Variants in DOCK4 observed in about 807,000 individuals in gnomAD.
DOCK4 encodes dedicator of cytokinesis 4.
A neutral mutation model predicts 268.1 loss-of-function variants in DOCK4; 97 were observed. The observed-to-expected ratio is 0.36, with a 90% CI of 0.31 to 0.43. DOCK4 has a LOEUF of 0.43. DOCK4 is among the 20% of genes least tolerant of loss of function. The probability of loss-of-function intolerance (pLI) is 1.00; values close to 1 mark genes in which losing one functional copy is unlikely to be tolerated. For synonymous variants in DOCK4, 954 were observed against 887.2 expected, an observed-to-expected ratio of 1.08 and a Z score of -1.34; for missense variants, 2,145 against 2,455.7, an observed-to-expected ratio of 0.87 and a Z score of 2.67.
At chr7:112,180,870 T>C (rs1818967263) in intron 1 of DOCK4, among the ~76,000 whole-genome samples, 1 of 152,196 alleles carries the variant, frequency 6.6e-6, no homozygotes, top group African/African-American at 2.4e-5. Context: ...CCCATGTTGG[T>C]GACACGGCAG....
At chr7:112,179,323 C>T (rs919370689) in intron 1 of DOCK4, among the ~76,000 whole-genome samples, 3 of 151,592 alleles carry the variant, frequency 2.0e-5, no homozygotes, top group African/African-American at 7.3e-5. Context: ...GATGTCGAGG[C>T]TGCAGTGAGT....
At chr7:111,806,550 T>C (rs1800692264) in intron 30 of DOCK4, among the ~76,000 whole-genome samples, 1 of 152,176 alleles carries the variant, frequency 6.6e-6, no homozygotes, top group African/African-American at 2.4e-5. Context: ...AATCTGTAAG[T>C]TGAGTATAAA....
At chr7:112,140,171 T>C (rs1043537690) in intron 1 of DOCK4, among the ~76,000 whole-genome samples, 1 of 152,020 alleles carries the variant, frequency 6.6e-6, no homozygotes, top group African/African-American at 2.4e-5. Context: ...AATTACCCCA[T>C]GAAAAACCAA....
chr7:111,993,058 G>A (rs1799662073), intron 5 of DOCK4, among the ~76,000 whole-genome samples: 1 of 152,186 alleles, frequency 6.6e-6, no homozygotes, highest in Non-Finnish European at 1.5e-5. Flanking sequence ...GATTTTCATA[G>A]TGAGTTCTAA....
At chr7:111,832,594 C>T (rs544852816) in intron 26 of DOCK4, among the ~76,000 whole-genome samples, 2 of 152,188 alleles carry the variant, frequency 1.3e-5, no homozygotes, top group African/African-American at 4.8e-5. Flanking sequence ...GTGGTGTGAT[C>T]TCAGCTCACT....
At chr7:111,936,370 T>C (rs1794735196) in intron 11 of DOCK4, among the ~76,000 whole-genome samples, 1 of 152,220 alleles carries the variant, frequency 6.6e-6, no homozygotes, top group African/African-American at 2.4e-5. Flanking sequence ...TTACGTGGTG[T>C]AGTTCACCTG....
intron 27 of DOCK4, among the ~76,000 whole-genome samples, chr7:111,816,052 A>G (rs1249100762): frequency 6.6e-6 from 1 of 152,214 alleles, no homozygotes; most frequent in Non-Finnish European, 1.5e-5. Flanking sequence ...ACTGGTGTAC[A>G]TGAAATCAAA....
chr7:111,788,788 C>G, intron 31 of DOCK4, 41 bp from the exon 32 acceptor site: 1 of 1,493,414 alleles, frequency 6.7e-7, no homozygotes, highest in Non-Finnish European at 9.2e-7. Context: ...CTCCCCTTCA[C>G]AAGTAGGATT....
At chr7:111,881,738 T>C (rs1807409636) in intron 16 of DOCK4, among the ~76,000 whole-genome samples, 1 of 152,150 alleles carries the variant, frequency 6.6e-6, no homozygotes, top group African/African-American at 2.4e-5. Flanking sequence ...TGGAGTACTA[T>C]TCAGCCATAA....
intron 1 of DOCK4, among the ~76,000 whole-genome samples, chr7:112,166,149 A>G (rs1184996175): frequency 6.6e-6 from 1 of 152,186 alleles, no homozygotes; most frequent in African/African-American, 2.4e-5. Context: ...TGTCCACTAT[A>G]CAATCTGAAC....
Position 111,911,479 on chromosome 7 carries a change from A to G in DOCK4, c.1192+4300T>C, listed in dbSNP as rs186013858. On this transcript the variant is annotated intron_variant, in intron 13 of 52. Transcript: ENST00000428084. ...ATTAAAAAGCCAGAGGAAGAAAGGG[A>G]AAAAAAAAAGAGAAGGAAGTGCTTT... 3.2e-3 allele frequency among the ~76,000 whole-genome samples: 478 copies of G among 147,724 alleles called. 2 individuals are homozygous for G. Among genetic ancestry groups the G allele is most frequent in the African/African-American group, 0.011 (454 of 40,720 alleles).
At chr7:112,027,318 G>A (rs985765894) in intron 1 of DOCK4, among the ~76,000 whole-genome samples, 6 of 151,986 alleles carry the variant, frequency 3.9e-5, no homozygotes, top group South Asian at 2.1e-4. Flanking sequence ...TCCGCCTCCC[G>A]GGTTCAAGAG....
chr7:111,729,624 GCCAAAAACC>G (rs1478803202), intron 52 of DOCK4, among the ~76,000 whole-genome samples: 4 of 152,212 alleles, frequency 2.6e-5, no homozygotes, highest in African/African-American at 4.8e-5. Context: ...GAGGGAACTG[GCCAAAAACC>G]CCAAAAACCT....
At chr7:112,060,203 T>G (rs939154313) in intron 1 of DOCK4, among the ~76,000 whole-genome samples, 2 of 152,210 alleles carry the variant, frequency 1.3e-5, no homozygotes, top group East Asian at 3.9e-4. Context: ...AAGCAAAATC[T>G]AACAGGAAAA....
rs150425170 is a variant in DOCK4 at position 112,181,373 on chromosome 7, G to A, written c.37+24729C>T. Among the ~76,000 whole-genome samples the A allele has an allele frequency of 2.0e-4, 31 of 152,238 alleles. No individual in the cohort carries two copies. In the East Asian group the frequency reaches 5.4e-3, roughly 27 times the overall value. ...TTGTTTGGAATAGCATGATACTGGGGCTGGGTCCAGAGGCTCACACCTATA... is the reference window on the plus strand; with the variant it reads ...TTGTTTGGAATAGCATGATACTGGGACTGGGTCCAGAGGCTCACACCTATA... On this transcript the variant is annotated intron_variant, in intron 1 of 52. Coordinates refer to ENST00000428084, the MANE Select transcript of DOCK4 (RefSeq NM_001363540.2).
intron 8 of DOCK4, among the ~76,000 whole-genome samples, 183 bp from the exon 9 acceptor site, chr7:111,945,981 A>T (rs1415191477): frequency 6.6e-6 from 1 of 152,262 alleles, no homozygotes; most frequent in East Asian, 1.9e-4. Context: ...TTCTGTTAAA[A>T]CTGGCAAAGC....
At chr7:111,747,170 C>T (rs1203568081) in intron 43 of DOCK4, 97 bp downstream of exon 43, 27 of 1,142,608 alleles carry the variant, frequency 2.4e-5, no homozygotes, top group East Asian at 1.7e-4. Flanking sequence ...CCTATGTTTG[C>T]GTGCTGATAT....
chr7:111,889,187 C>A (rs534849532), intron 16 of DOCK4, among the ~76,000 whole-genome samples: 1 of 152,218 alleles, frequency 6.6e-6, no homozygotes, highest in South Asian at 2.1e-4. Context: ...ACTAAACTTA[C>A]CAGGTTATTT....
intron 23 of DOCK4, among the ~76,000 whole-genome samples, chr7:111,860,037 T>C (rs1332926097): frequency 1.3e-5 from 2 of 152,206 alleles, no homozygotes; most frequent in Admixed American, 6.5e-5. Context: ...TTTTGTGAGA[T>C]GTACCAAGGC....
Sources: gnomAD v4.1 joint callset for allele counts (sites outside exome capture counted in the v4.1 genomes callset) on GRCh38, gnomAD v4.1.1 for gene constraint, MANE v1.5 for transcripts, NCBI Gene and HGNC (gene_info 2026-07-23, HGNC 2026-07-21) for gene names.